The following INPP4B variants were observed in gnomAD, a reference collection of about 807,000 sequenced individuals.
INPP4B encodes inositol polyphosphate-4-phosphatase type II B, also known as inositol polyphosphate 4-phosphatase type II.
A neutral mutation model predicts 122.5 loss-of-function variants in INPP4B; 55 were observed. The ratio of observed to expected loss-of-function variants is 0.45; its 90% CI spans 0.36 to 0.56. The LOEUF is 0.56. Ranked by LOEUF, INPP4B falls within the 20% of genes least tolerant of loss-of-function variation. The probability of loss-of-function intolerance (pLI) is 0.00; values close to 1 mark genes in which losing one functional copy is unlikely to be tolerated. For missense variants in INPP4B, 1,000 were observed against 1,097.7 expected, an observed-to-expected ratio of 0.91 and a Z score of 1.26; for synonymous variants, 403 against 388.7, an observed-to-expected ratio of 1.04 and a Z score of -0.43.
At chr4:142,625,497 A>G (rs1002603344) in intron 2 of INPP4B, among the ~76,000 whole-genome samples, 6 of 152,056 alleles carry the variant, frequency 3.9e-5, no homozygotes, top group African/African-American at 1.4e-4. Context: ...ACAAACAAAT[A>G]GAAGAACATT....
At chr4:142,285,370 A>G (rs1306919970) in intron 9 of INPP4B, among the ~76,000 whole-genome samples, 1 of 82,382 alleles carries the variant, frequency 1.2e-5, no homozygotes, top group Non-Finnish European at 2.1e-5. Flanking sequence ...ACATCTCTAG[A>G]TGATGTAAGA....
intron 11 of INPP4B, among the ~76,000 whole-genome samples, chr4:142,259,394 G>A (rs988154963): frequency 6.6e-6 from 1 of 151,190 alleles, no homozygotes; most frequent in Non-Finnish European, 1.5e-5. Flanking sequence ...AAAAAGATCA[G>A]ATACCACAAT....
At chr4:142,288,054 T>C (rs1241420468) in intron 9 of INPP4B, among the ~76,000 whole-genome samples, 1 of 152,126 alleles carries the variant, frequency 6.6e-6, no homozygotes, top group African/African-American at 2.4e-5. Context: ...ACTCATCAAG[T>C]CATCCAAACT....
chr4:142,377,143 A>G (rs894389495), intron 7 of INPP4B, among the ~76,000 whole-genome samples: 3 of 150,554 alleles, frequency 2.0e-5, no homozygotes, highest in Non-Finnish European at 4.4e-5. Flanking sequence ...TTCTCACAGG[A>G]AAAAAAAAAT....
At chr4:142,729,628 G>C (rs1482672391) in intron 1 of INPP4B, among the ~76,000 whole-genome samples, 2 of 152,088 alleles carry the variant, frequency 1.3e-5, no homozygotes. Flanking sequence ...TTCTCTCCCC[G>C]TTTGAGCTTT....
At chr4:142,265,841 C>T (rs1337001991) in intron 10 of INPP4B, among the ~76,000 whole-genome samples, 2 of 152,152 alleles carry the variant, frequency 1.3e-5, no homozygotes, top group Non-Finnish European at 2.9e-5. Flanking sequence ...AAGCCAGAAA[C>T]ACTATGTAGG....
At chr4:142,662,005 A>T (rs1050519169) in intron 2 of INPP4B, among the ~76,000 whole-genome samples, 1 of 152,154 alleles carries the variant, frequency 6.6e-6, no homozygotes, top group African/African-American at 2.4e-5. Flanking sequence ...AGGCCAAGGC[A>T]GGCAGATCAT....
At chr4:142,338,525 A>G (rs1340172127) in intron 7 of INPP4B, among the ~76,000 whole-genome samples, 1 of 152,202 alleles carries the variant, frequency 6.6e-6, no homozygotes, top group East Asian at 1.9e-4. Flanking sequence ...GGCGTGAGCC[A>G]CCAGGCAACT....
chr4:142,577,760 GC>G (rs1734168540), intron 2 of INPP4B, among the ~76,000 whole-genome samples: 1 of 151,888 alleles, frequency 6.6e-6, no homozygotes, highest in Non-Finnish European at 1.5e-5. Context: ...ATAAATGCTG[GC>G]TTTTTCTCTC....
At chr4:142,255,947 G>C (rs11724623) in intron 11 of INPP4B, among the ~76,000 whole-genome samples, 101,187 of 135,674 alleles carry the variant, frequency 0.75, 39,396 homozygotes, top group East Asian at 0.93. Context: ...TGACCACATA[G>C]TTGGAAGTAA....
At chr4:142,331,755 T>G (rs757074724) in intron 7 of INPP4B, among the ~76,000 whole-genome samples, 2 of 152,198 alleles carry the variant, frequency 1.3e-5, no homozygotes, top group Non-Finnish European at 2.9e-5. Flanking sequence ...ATATTTGTGC[T>G]CCAGGGTCAG....
In INPP4B at chr4:142,590,881, CAAA is replaced by C. The variant is rs59459819; in HGVS notation, c.-190-128158_-190-128156del. 8.8e-3 allele frequency among the ~76,000 whole-genome samples: 823 copies of C among 93,612 alleles called. 8 individuals are homozygous for C. The highest frequency in any genetic ancestry group is 0.031 in the African/African-American group (765 of 24,304). 61.4% of individuals were successfully genotyped at this position (93,612 alleles called of 152,430 possible). A position where few individuals can be genotyped will look rare whatever the true frequency, so the allele number is the denominator to read the frequency against. On this transcript the variant is annotated intron_variant, in intron 2 of 25. Coordinates refer to ENST00000262992, the MANE Select transcript of INPP4B (RefSeq NM_001101669.3). ...TCTTGGTTCTTCTAATATCATTCTCCAAAAAAAAAAAAAAAAAAACAAAAGAAC... is the reference window on the plus strand; with the variant it reads ...TCTTGGTTCTTCTAATATCATTCTCCAAAAAAAAAAAAAAAACAAAAGAAC...
At chr4:142,791,709 T>C (rs1776580912) in intron 1 of INPP4B, among the ~76,000 whole-genome samples, 1 of 152,086 alleles carries the variant, frequency 6.6e-6, no homozygotes, top group South Asian at 2.1e-4. Flanking sequence ...TCAGGGATCA[T>C]GAATGGCTTC....
chr4:142,094,127 A>T (rs1780800280), intron 23 of INPP4B, among the ~76,000 whole-genome samples: 1 of 152,184 alleles, frequency 6.6e-6, no homozygotes, highest in Non-Finnish European at 1.5e-5. Flanking sequence ...AAATCTAAAG[A>T]TGATTTGTTA....
At chr4:142,590,667 T>A (rs886680894) in intron 2 of INPP4B, among the ~76,000 whole-genome samples, 3 of 151,890 alleles carry the variant, frequency 2.0e-5, no homozygotes, top group Admixed American at 6.6e-5. Flanking sequence ...TATAAACTAA[T>A]ATTTAGCTTA....
At chr4:142,630,127 T>A (rs997062014) in intron 2 of INPP4B, among the ~76,000 whole-genome samples, 3 of 152,098 alleles carry the variant, frequency 2.0e-5, no homozygotes, top group African/African-American at 7.2e-5. Context: ...CCCGCCATGA[T>A]GAAAAAGCTT....
chr4:142,683,603 A>G (rs1758940058), intron 2 of INPP4B, among the ~76,000 whole-genome samples: 1 of 150,728 alleles, frequency 6.6e-6, no homozygotes, highest in Non-Finnish European at 1.5e-5. Context: ...TATCTTGCAT[A>G]GGTTTCTTAA....
chr4:142,804,721 C>T (rs1778461343), intron 1 of INPP4B, among the ~76,000 whole-genome samples: 2 of 152,214 alleles, frequency 1.3e-5, no homozygotes, highest in South Asian at 4.1e-4. Flanking sequence ...GGCTGGAGTG[C>T]AGTGGCACAA....
chr4:142,555,684 C>T (rs554797102), intron 2 of INPP4B, among the ~76,000 whole-genome samples: 3 of 151,918 alleles, frequency 2.0e-5, no homozygotes, highest in Non-Finnish European at 4.4e-5. Context: ...CTGGCTAACA[C>T]GGTGAAACCC....
Sources: allele counts gnomAD v4.1 joint callset (sites outside exome capture counted in the v4.1 genomes callset), GRCh38; gene constraint gnomAD v4.1.1; transcripts MANE v1.5; gene names NCBI Gene and HGNC (gene_info 2026-07-23, HGNC 2026-07-21).